Variants in FNBP1 observed in about 807,000 individuals in gnomAD.
FNBP1 encodes formin binding protein 1.
FNBP1 carries 26 observed loss-of-function variants against 90.6 expected under a neutral mutation model. The observed-to-expected ratio is 0.29, with a 90% CI of 0.21 to 0.40. FNBP1 has a LOEUF of 0.40. Among genes scored for constraint, FNBP1 ranks in the 10% least tolerant of loss-of-function variants. The pLI, the probability that FNBP1 is intolerant of heterozygous loss-of-function variation, is 1.00. For synonymous variants in FNBP1, 260 were observed against 265.2 expected (o/e 0.98, Z 0.19); for missense variants, 635 against 768.0 (o/e 0.83, Z 2.05).
At chr9:130,014,290 C>T (rs531561438) in intron 1 of FNBP1, among the ~76,000 whole-genome samples, 88 of 150,228 alleles carry the variant, frequency 5.9e-4, no homozygotes, top group African/African-American at 2.0e-3. Context: ...CTTGCTGTGC[C>T]GCCCAGGCTG....
In FNBP1 at chr9:129,900,286, G is replaced by A. The variant is rs1032921772; in HGVS notation, c.1550+140C>T. On this transcript the variant is annotated intron_variant, in intron 14 of 16. Coordinates refer to ENST00000446176, the MANE Select transcript of FNBP1 (RefSeq NM_015033.3). This position sits in a 1 kb window ranked among gnomAD's most constrained non-coding sequence, Gnocchi z 4.1. Reference sequence around the variant, plus strand: ...TGTGGAATTATAAATCTGCATCATGGAAAAAGTGACAGGTCAATCGCAACA... The same window carrying A: ...TGTGGAATTATAAATCTGCATCATGAAAAAAGTGACAGGTCAATCGCAACA... 8.8e-7 allele frequency: 1 copy of A among 1,139,696 alleles called. No homozygotes were observed. Among genetic ancestry groups the A allele is most frequent in the Admixed American group, 3.3e-5 (1 of 30,020 alleles). 70.6% of individuals were successfully genotyped at this position (1,139,696 alleles called of 1,614,324 possible). A position where few individuals can be genotyped will look rare whatever the true frequency, so the allele number is the denominator to read the frequency against.
At chr9:129,993,995 A>G (rs2053613423) in intron 2 of FNBP1, among the ~76,000 whole-genome samples, 1 of 152,168 alleles carries the variant, frequency 6.6e-6, no homozygotes, top group South Asian at 2.1e-4. Flanking sequence ...AATTAGTACA[A>G]GCACACTGGA....
At chr9:129,930,148 C>A (rs1030301724) in intron 6 of FNBP1, among the ~76,000 whole-genome samples, 1 of 151,890 alleles carries the variant, frequency 6.6e-6, no homozygotes, top group South Asian at 2.1e-4. Context: ...GCAGCCTCAA[C>A]CTCCTGGGTT....
At chr9:129,932,850 AAAT>A (rs2042961063) in intron 6 of FNBP1, among the ~76,000 whole-genome samples, 1 of 152,162 alleles carries the variant, frequency 6.6e-6, no homozygotes, top group East Asian at 1.9e-4. Flanking sequence ...TCCTCTGTTT[AAAT>A]AATAGCTTTC....
At chr9:130,048,422 G>C in the FNBP1 span, among the ~76,000 whole-genome samples, 2 of 145,286 alleles carry the variant, frequency 1.4e-5, no homozygotes, top group Non-Finnish European at 3.0e-5. Flanking sequence ...AGCCAGATTT[G>C]TATAGTTCTG....
intron 4 of FNBP1, among the ~76,000 whole-genome samples, chr9:129,964,390 T>A (rs1039723372): frequency 6.6e-6 from 1 of 152,206 alleles, no homozygotes; most frequent in African/African-American, 2.4e-5. Flanking sequence ...TACTTTCTGC[T>A]GTCATAAGAT....
rs1010094347 is a variant in FNBP1, at chr9:129,900,814, T to C, written c.1429-267A>G. 6.6e-6 allele frequency among the ~76,000 whole-genome samples: 1 copy of C among 152,264 alleles called. No homozygotes were observed. The highest frequency in any genetic ancestry group is 1.5e-5 in the Non-Finnish European group (1 of 68,042). On this transcript the variant is annotated intron_variant, in intron 13 of 16. Coordinates refer to ENST00000446176, the MANE Select transcript of FNBP1 (RefSeq NM_015033.3). This position sits in a 1 kb window ranked among gnomAD's most constrained non-coding sequence, Gnocchi z 4.1. ...TTGGAGACATAGAAACAAACTCATA[T>C]TTATGTGGTTGCCCACGATGGGGCA... is the stretch of plus-strand genomic sequence containing the variant.
chr9:129,982,323 T>C (rs573130435), intron 2 of FNBP1, among the ~76,000 whole-genome samples: 108 of 152,092 alleles, frequency 7.1e-4, no homozygotes, highest in African/African-American at 2.4e-3. Context: ...ATACAAAAAT[T>C]AGCTGGGCAT....
intron 6 of FNBP1, among the ~76,000 whole-genome samples, chr9:129,953,979 G>A (rs1197416648): frequency 6.6e-6 from 1 of 151,854 alleles, no homozygotes; most frequent in Non-Finnish European, 1.5e-5. Context: ...CTGAGGCTGA[G>A]GCCAACCTGG....
chr9:129,923,000 C>A lies in FNBP1; in HGVS notation c.1170+844G>T, dbSNP rs537666398. 1.3e-4 allele frequency among the ~76,000 whole-genome samples: 19 copies of A among 151,856 alleles called. No homozygotes were observed. In the East Asian group the frequency reaches 3.7e-3, roughly 30 times the overall value. Reference sequence around the variant, plus strand: ...CCTTCCAAAGTGCCAGGATTACAGGCATGAGACACTGCGCTTGTCCTATTA... The same window carrying A: ...CCTTCCAAAGTGCCAGGATTACAGGAATGAGACACTGCGCTTGTCCTATTA... On this transcript the variant is annotated intron_variant, in intron 10 of 16. Coordinates refer to ENST00000446176, the MANE Select transcript of FNBP1 (RefSeq NM_015033.3).
At chr9:129,923,352 G>A (rs1441584958) in intron 10 of FNBP1, among the ~76,000 whole-genome samples, 2 of 152,024 alleles carry the variant, frequency 1.3e-5, no homozygotes, top group Middle Eastern at 3.4e-3. Context: ...AGGCCGAGGC[G>A]GGCGGATCAC....
At chr9:130,020,295 G>A (rs1371020778) in intron 1 of FNBP1, among the ~76,000 whole-genome samples, 1 of 152,090 alleles carries the variant, frequency 6.6e-6, no homozygotes, top group Non-Finnish European at 1.5e-5. Flanking sequence ...GCTTACCTCT[G>A]CCTCCAGGTT....
At chr9:129,982,573 C>A (rs965272497) in intron 2 of FNBP1, among the ~76,000 whole-genome samples, 14 of 152,170 alleles carry the variant, frequency 9.2e-5, no homozygotes, top group African/African-American at 2.9e-4. Context: ...GAGAGCAGCA[C>A]ATATGGGTGA....
chr9:130,020,642 G>A (rs948131031), intron 1 of FNBP1, among the ~76,000 whole-genome samples: 1 of 152,152 alleles, frequency 6.6e-6, no homozygotes, highest in Non-Finnish European at 1.5e-5. Context: ...AAGGTACTAA[G>A]AATTTAGCAA....
chr9:130,008,397 T>G (rs530165039), intron 1 of FNBP1, among the ~76,000 whole-genome samples: 1 of 152,230 alleles, frequency 6.6e-6, no homozygotes, highest in South Asian at 2.1e-4. Context: ...GTTTAAAAAT[T>G]ACTCCTCCAG....
intron 1 of FNBP1, among the ~76,000 whole-genome samples, chr9:130,009,527 G>A (rs1355607262): frequency 6.6e-6 from 1 of 152,020 alleles, no homozygotes; most frequent in Non-Finnish European, 1.5e-5. Flanking sequence ...AAATGGCTGG[G>A]CACAATGACT....
intron 1 of FNBP1, among the ~76,000 whole-genome samples, chr9:130,038,724 C>T (rs896029808): frequency 2.0e-5 from 3 of 152,116 alleles, no homozygotes; most frequent in Admixed American, 6.5e-5. Context: ...ACTATGCTAA[C>T]CAATATGCAT....
At chr9:129,972,824 G>C (rs2049697684) in intron 4 of FNBP1, among the ~76,000 whole-genome samples, 1 of 152,174 alleles carries the variant, frequency 6.6e-6, no homozygotes, top group Admixed American at 6.6e-5. Flanking sequence ...TCCGTTTTCT[G>C]TAACAAGCCC....
intron 1 of FNBP1, among the ~76,000 whole-genome samples, chr9:130,037,915 G>A (rs75004621): frequency 0.021 from 3,132 of 152,190 alleles, 108 homozygotes; most frequent in African/African-American, 0.072. Context: ...CCTACACAGA[G>A]TCAGGCATTG....
Sources: gnomAD v4.1 joint callset for allele counts (sites outside exome capture counted in the v4.1 genomes callset) on GRCh38, gnomAD v4.1.1 for gene constraint, Gnocchi (gnomAD v3.1) non-coding constraint, MANE v1.5 for transcripts, NCBI Gene and HGNC (gene_info 2026-07-23, HGNC 2026-07-21) for gene names.